SPI1: variants seen among roughly 807,000 people sequenced by gnomAD.
SPI1 encodes the protein transcription factor PU.1.
In SPI1, 3 loss-of-function variants were observed where a neutral mutation model predicts 30.7. That is an observed-to-expected ratio of 0.10 (90% CI 0.04 to 0.25). The LOEUF (loss-of-function observed/expected upper bound fraction) is 0.25, where lower values mean the gene tolerates loss of function less well. Among genes scored for constraint, SPI1 ranks in the 10% least tolerant of loss-of-function variants. The pLI is 1.00. For missense variants in SPI1, 261 were observed against 371.5 expected (o/e 0.70, Z 2.45); for synonymous variants, 169 against 157.1 (o/e 1.08, Z -0.56).
intron 2 of SPI1, among the ~76,000 whole-genome samples, chr11:47,370,561 G>A (rs1370063080): frequency 6.6e-6 from 1 of 152,024 alleles, no homozygotes; most frequent in African/African-American, 2.4e-5. Context: ...AATTAGCTGG[G>A]CGTGGTGGCG....
At chr11:47,362,810 G>A (rs1312713395) in intron 2 of SPI1, among the ~76,000 whole-genome samples, 1 of 151,616 alleles carries the variant, frequency 6.6e-6, no homozygotes, top group Non-Finnish European at 1.5e-5. Flanking sequence ...TCCTGACCTC[G>A]TGATCTGCCC....
intron 2 of SPI1, among the ~76,000 whole-genome samples, chr11:47,369,278 T>TAATAAACAA (rs1399426274): frequency 1.3e-5 from 2 of 152,044 alleles, no homozygotes; most frequent in Non-Finnish European, 2.9e-5. Context: ...ACAAAAAGCA[T>TAATAAACAA]AATAAACAAT....
chr11:47,360,172 T>C, intron 2 of SPI1, 132 bp from the exon 3 acceptor site: 1 of 778,640 alleles, frequency 1.3e-6, no homozygotes, highest in East Asian at 2.8e-5. Context: ...GCCACCTGCA[T>C]GGTTACTCTA....
At chr11:47,363,780 T>C (rs2095924249) in intron 2 of SPI1, among the ~76,000 whole-genome samples, 1 of 151,166 alleles carries the variant, frequency 6.6e-6, no homozygotes, top group Non-Finnish European at 1.5e-5. Context: ...CTGGCCAACA[T>C]AGTGAAACCC....
chr11:47,367,933 A>G lies in SPI1; in HGVS notation c.142+7700T>C, dbSNP rs188069777. On this transcript the variant is annotated intron_variant, in intron 2 of 4. Transcript: ENST00000378538. ...CCACCACGCCTGGCTCATTTTTTGT[A>G]TTTTTAGTAGAGATGGGGTTTCACC... Among the ~76,000 whole-genome samples the G allele has an allele frequency of 4.6e-3, 699 of 151,666 alleles. 25 individuals carry two copies. The highest frequency in any genetic ancestry group is 7.8e-4 in the Non-Finnish European group (53 of 67,888).
At chr11:47,360,749 C>G (rs1277737244) in intron 2 of SPI1, among the ~76,000 whole-genome samples, 1 of 150,590 alleles carries the variant, frequency 6.6e-6, no homozygotes, top group Non-Finnish European at 1.5e-5. Context: ...CGCTTGAACC[C>G]GAGAGGTGGA....
At chr11:47,360,102 A>G in intron 2 of SPI1, 62 bp from the exon 3 acceptor site, 1 of 1,362,702 alleles carries the variant, frequency 7.3e-7, no homozygotes, top group Non-Finnish European at 9.8e-7. Context: ...GGAAAAGGTT[A>G]TAGTAACATT....
intron 2 of SPI1, among the ~76,000 whole-genome samples, chr11:47,371,302 G>A (rs1263783580): frequency 7.3e-6 from 1 of 136,456 alleles, no homozygotes; most frequent in Non-Finnish European, 1.6e-5. Context: ...GGAGGTTGCA[G>A]TGAGCTGACA....
intron 2 of SPI1, among the ~76,000 whole-genome samples, chr11:47,367,674 A>G (rs2095930330): frequency 6.6e-6 from 1 of 151,964 alleles, no homozygotes; most frequent in South Asian, 2.1e-4. Context: ...AGGTGCAGAA[A>G]AATTAGGATA....
chr11:47,359,899 A>G lies in SPI1; in HGVS notation c.284T>C (p.Val95Ala). The change falls in exon 3 of 5, where the codon GTC (valine) becomes GCC (alanine). Residue 95 changes from valine (V) to alanine (A), a missense_variant. By Grantham distance (64) the Val-to-Ala change is moderately conservative. Around this residue, in one of 5 missense-constraint regions of SPI1, gnomAD observed 106 missense variants for 102.0 expected, o/e 1.04. Transcript: ENST00000378538. The surrounding 1 kb of genome is among the most constrained non-coding windows in gnomAD (Gnocchi z 5.1). ...GGGTGGCACCATGGGGGTATCGAGG[A>G]CGTGCATCTGCTCCAGCTCCATGTG... The part of the protein sequence containing the change: ...YRHMELEQMH[V>A]LDTPMVPPHP... 2 of 1,609,974 alleles carry G rather than the reference A, an allele frequency of 1.2e-6. No individual in the cohort carries two copies.
chr11:47,365,922 C>T (rs988677384), intron 2 of SPI1, among the ~76,000 whole-genome samples: 5 of 152,186 alleles, frequency 3.3e-5, no homozygotes, highest in Non-Finnish European at 7.3e-5. Flanking sequence ...GTCTCAAACT[C>T]CTGACCTTGT....
Position 47,370,570 on chromosome 11 carries a change from C to T in SPI1, c.142+5063G>A, listed in dbSNP as rs183559991. On this transcript the variant is annotated intron_variant, in intron 2 of 4. Coordinates refer to ENST00000378538, the MANE Select transcript of SPI1 (RefSeq NM_003120.3). ...TACAAAAATTAGCTGGGCGTGGTGG[C>T]GGGCACCTGTAATCCCAGCTACTCA... Among the ~76,000 whole-genome samples, 1,154 of 152,094 alleles carry T rather than the reference C, an allele frequency of 7.6e-3. 3 individuals are homozygous for T. The highest frequency in any genetic ancestry group is 0.021 in the Middle Eastern group (6 of 292).
intron 1 of SPI1, among the ~76,000 whole-genome samples, chr11:47,377,319 A>G (rs945928576): frequency 6.6e-6 from 1 of 152,106 alleles, no homozygotes; most frequent in African/African-American, 2.4e-5. Context: ...CCTCTAGACC[A>G]GGAAAGTGGA....
At position 47,375,697 on chromosome 11, in the gene SPI1, A is replaced by C. The variant is rs773070296; in HGVS notation, c.78T>G (p.Asp26Glu). The C allele has an allele frequency of 1.2e-6, 2 of 1,613,816 alleles. No individual in the cohort carries two copies. Among genetic ancestry groups the C allele is most frequent in the Non-Finnish European group, 8.5e-7 (1 of 1,179,910 alleles). ...ACTCGTGCGTTTGGCGTTGGTATAG[A>C]TCCGTGTCATAGGGCACCAGGTCTT... ...PSEDLVPYDTDLYQRQTHEYY... is the reference protein window; with the variant it reads ...PSEDLVPYDTELYQRQTHEYY... Residue 26 changes from aspartate (D) to glutamate (E), a missense_variant, in exon 2 of 5, where the codon GAT becomes GAG. By Grantham distance (45) the Asp-to-Glu change is conservative (BLOSUM62 2). Coordinates refer to ENST00000378538, the MANE Select transcript of SPI1 (RefSeq NM_003120.3). This position sits in a 1 kb window ranked among gnomAD's most constrained non-coding sequence, Gnocchi z 4.2.
At chr11:47,361,659 G>A (rs2095920932) in intron 2 of SPI1, among the ~76,000 whole-genome samples, 2 of 152,126 alleles carry the variant, frequency 1.3e-5, no homozygotes, top group Admixed American at 1.3e-4. Flanking sequence ...AGTGTCTCTG[G>A]GACAAGTCCA....
intron 2 of SPI1, among the ~76,000 whole-genome samples, chr11:47,369,587 A>C (rs2142893771): frequency 6.6e-6 from 1 of 152,164 alleles, no homozygotes; most frequent in East Asian, 1.9e-4. Context: ...AAATGAAACA[A>C]ACAAAAAGCT....
At chr11:47,367,480 G>A (rs748232871) in intron 2 of SPI1, among the ~76,000 whole-genome samples, 2 of 150,432 alleles carry the variant, frequency 1.3e-5, no homozygotes, top group Non-Finnish European at 1.5e-5. Context: ...CTTGAGCCTG[G>A]GAGGTGGAGG....
intron 1 of SPI1, among the ~76,000 whole-genome samples, chr11:47,377,489 G>A (rs576777965): frequency 4.4e-4 from 67 of 152,168 alleles, no homozygotes; most frequent in Middle Eastern, 3.4e-3. Context: ...GAGCAGTGGC[G>A]ATCTGCCCTT....
chr11:47,366,379 C>T (rs902750021), intron 2 of SPI1, among the ~76,000 whole-genome samples: 24 of 152,182 alleles, frequency 1.6e-4, no homozygotes, highest in African/African-American at 5.1e-4. Flanking sequence ...GACCTTATCT[C>T]CTCAGAACAG....
Sources: gnomAD v4.1 joint callset for allele counts (sites outside exome capture counted in the v4.1 genomes callset) on GRCh38, gnomAD v4.1.1 for gene constraint, gnomAD v4.1.1 regional missense constraint, Gnocchi (gnomAD v3.1) non-coding constraint, MANE v1.5 for transcripts, NCBI Gene and HGNC (gene_info 2026-07-23, HGNC 2026-07-21) for gene names.